CNBD1: variants seen among roughly 807,000 people sequenced by gnomAD.
The protein encoded by CNBD1 is cyclic nucleotide binding domain containing 1.
Under a neutral mutation model 54.4 loss-of-function variants are expected in CNBD1, and 71 were observed. That is an observed-to-expected ratio of 1.30 (90% CI 1.08 to 1.59). CNBD1 has a LOEUF of 1.59. CNBD1 is among the 40% of genes most tolerant of loss of function. The pLI, the probability that CNBD1 is intolerant of heterozygous loss-of-function variation, is 0.00. For missense variants in CNBD1, 659 were observed against 518.0 expected (o/e 1.27, Z -2.64); for synonymous variants, 182 against 170.7 (o/e 1.07, Z -0.51).
At chr8:87,191,371 G>C (rs1209237749) in intron 4 of CNBD1, among the ~76,000 whole-genome samples, 1 of 152,146 alleles carries the variant, frequency 6.6e-6, no homozygotes, top group Non-Finnish European at 1.5e-5. Context: ...ACTGGCAGCA[G>C]ATAGGATGGT....
At chr8:87,022,552 A>T (rs1809512155) in intron 4 of CNBD1, among the ~76,000 whole-genome samples, 1 of 152,190 alleles carries the variant, frequency 6.6e-6, no homozygotes, top group South Asian at 2.1e-4. Context: ...TGGAAGCTTT[A>T]TGCTTTCAAG....
intron 4 of CNBD1, among the ~76,000 whole-genome samples, chr8:87,190,442 A>G (rs1036083266): frequency 1.3e-5 from 2 of 152,108 alleles, no homozygotes; most frequent in African/African-American, 4.8e-5. Flanking sequence ...ATCTGATTCA[A>G]GCTCATAATT....
intron 6 of CNBD1, among the ~76,000 whole-genome samples, chr8:87,243,995 A>G (rs529568850): frequency 3.3e-5 from 5 of 152,180 alleles, no homozygotes; most frequent in Non-Finnish European, 7.3e-5. Flanking sequence ...AATTTGAGAC[A>G]GGTCTCAGTT....
intron 2 of CNBD1, among the ~76,000 whole-genome samples, chr8:86,895,039 T>C (rs952724076): frequency 6.6e-6 from 1 of 152,036 alleles, no homozygotes; most frequent in Non-Finnish European, 1.5e-5. Flanking sequence ...TTTATATCAA[T>C]CTCATGATAA....
intron 4 of CNBD1, among the ~76,000 whole-genome samples, chr8:87,011,094 C>T (rs961159207): frequency 1.3e-5 from 2 of 151,118 alleles, no homozygotes; most frequent in African/African-American, 4.9e-5. Context: ...TTGAGCCTTT[C>T]TAGGGTCTTG....
chr8:87,222,319 C>A (rs1181707520), intron 5 of CNBD1, among the ~76,000 whole-genome samples: 1 of 151,924 alleles, frequency 6.6e-6, no homozygotes, highest in Admixed American at 6.6e-5. Flanking sequence ...AGTGTTTTTG[C>A]TAAATGCCTA....
chr8:87,274,217 G>A (rs1287429785), intron 6 of CNBD1, among the ~76,000 whole-genome samples: 1 of 150,946 alleles, frequency 6.6e-6, no homozygotes, highest in African/African-American at 2.5e-5. Context: ...CGTGAATGGT[G>A]CCGCAATAAA....
At chr8:87,152,748 C>T (rs1812633756) in intron 4 of CNBD1, among the ~76,000 whole-genome samples, 1 of 151,938 alleles carries the variant, frequency 6.6e-6, no homozygotes, top group African/African-American at 2.4e-5. Context: ...ATTTATTTTG[C>T]AAATTATAGT....
intron 8 of CNBD1, among the ~76,000 whole-genome samples, chr8:87,302,536 A>G (rs1180637996): frequency 1.9e-4 from 29 of 149,114 alleles, no homozygotes; most frequent in Admixed American, 5.4e-4. Context: ...AATATCCTGA[A>G]TGGGCAAAAA....
chr8:87,369,600 T>C (rs1810717811), intron 10 of CNBD1, among the ~76,000 whole-genome samples: 1 of 152,036 alleles, frequency 6.6e-6, no homozygotes, highest in Admixed American at 6.6e-5. Context: ...GATAGTCTTT[T>C]TCTTTCAGCA....
At chr8:87,121,877 T>G (rs996614883) in intron 4 of CNBD1, among the ~76,000 whole-genome samples, 2 of 151,474 alleles carry the variant, frequency 1.3e-5, no homozygotes, top group South Asian at 2.1e-4. Flanking sequence ...TGTATAGTAT[T>G]GTGTGTGTGT....
chr8:87,187,751 T>C (rs1440403849), intron 4 of CNBD1, among the ~76,000 whole-genome samples: 1 of 152,188 alleles, frequency 6.6e-6, no homozygotes, highest in Non-Finnish European at 1.5e-5. Flanking sequence ...TTTAATAACC[T>C]GATCTGGAGT....
intron 4 of CNBD1, among the ~76,000 whole-genome samples, chr8:87,146,850 T>C (rs563742250): frequency 6.6e-6 from 1 of 152,286 alleles, no homozygotes; most frequent in Admixed American, 6.5e-5. Context: ...CAGGCTTTCC[T>C]CAATCATTTA....
chr8:87,156,877 A>G (rs1472793816), intron 4 of CNBD1, among the ~76,000 whole-genome samples: 5 of 152,100 alleles, frequency 3.3e-5, no homozygotes, highest in Non-Finnish European at 7.4e-5. Flanking sequence ...GAAAAAAAGG[A>G]GAATTCTATA....
At chr8:87,159,412 AT>A (rs1410751866) in intron 4 of CNBD1, among the ~76,000 whole-genome samples, 1 of 152,166 alleles carries the variant, frequency 6.6e-6, no homozygotes, top group Non-Finnish European at 1.5e-5. Flanking sequence ...AATTAAAACA[AT>A]AAAGTTATAA....
chr8:86,918,971 A>C (rs147336474), intron 3 of CNBD1, among the ~76,000 whole-genome samples: 1 of 151,430 alleles, frequency 6.6e-6, no homozygotes, highest in Non-Finnish European at 1.5e-5. Context: ...TTTAGCTTCT[A>C]CTTGTAAGAA....
chr8:87,045,676 G>C (rs1488195012), intron 4 of CNBD1, among the ~76,000 whole-genome samples: 1 of 142,448 alleles, frequency 7.0e-6, no homozygotes, highest in Non-Finnish European at 1.5e-5. Context: ...AGTGAGCTAA[G>C]ATTGCGCCAC....
chr8:87,215,235 C>T (rs963151718), intron 5 of CNBD1, among the ~76,000 whole-genome samples: 4 of 152,170 alleles, frequency 2.6e-5, no homozygotes, highest in South Asian at 2.1e-4. Context: ...CAAAAGGCCA[C>T]GTGTTTATGA....
At chr8:87,006,755 G>A (rs963703037) in intron 4 of CNBD1, among the ~76,000 whole-genome samples, 1 of 152,158 alleles carries the variant, frequency 6.6e-6, no homozygotes, top group African/African-American at 2.4e-5. Context: ...AACCATATCA[G>A]ATGACAACTC....
Sources: gnomAD v4.1 joint callset for allele counts (sites outside exome capture counted in the v4.1 genomes callset) on GRCh38, gnomAD v4.1.1 for gene constraint, MANE v1.5 for transcripts, NCBI Gene and HGNC (gene_info 2026-07-23, HGNC 2026-07-21) for gene names.